Variants in EXOC6B observed in about 807,000 individuals in gnomAD.
The protein encoded by EXOC6B is SEC15 homolog B.
EXOC6B carries 54 observed loss-of-function variants against 113.5 expected under a neutral mutation model. The observed-to-expected ratio is 0.48, with a 90% CI of 0.38 to 0.60. The LOEUF (loss-of-function observed/expected upper bound fraction) is 0.60, where lower values mean the gene tolerates loss of function less well. EXOC6B is among the 20% of genes least tolerant of loss of function. EXOC6B has a pLI of 0.00. For missense variants in EXOC6B, 797 were observed against 977.5 expected, an observed-to-expected ratio of 0.82 and a Z score of 2.46; for synonymous variants, 357 against 339.0, an observed-to-expected ratio of 1.05 and a Z score of -0.58.
chr2:72,723,430 G>C (rs1558950320), intron 5 of EXOC6B, among the ~76,000 whole-genome samples: 1 of 152,238 alleles, frequency 6.6e-6, no homozygotes, highest in East Asian at 1.9e-4. Context: ...GAAGAATATT[G>C]ATTCCAAGCA....
intron 20 of EXOC6B, among the ~76,000 whole-genome samples, chr2:72,325,273 C>A (rs1364070977): frequency 6.6e-6 from 1 of 151,994 alleles, no homozygotes; most frequent in South Asian, 2.1e-4. Flanking sequence ...ATGATCCTGG[C>A]GAATCAAGAA....
chr2:72,562,856 A>G (rs1703963983), intron 7 of EXOC6B, among the ~76,000 whole-genome samples: 1 of 152,200 alleles, frequency 6.6e-6, no homozygotes, highest in African/African-American at 2.4e-5. Flanking sequence ...AAATACATCT[A>G]TGAAGATACA....
chr2:72,237,410 T>C (rs1306218343), intron 20 of EXOC6B, among the ~76,000 whole-genome samples: 3 of 152,086 alleles, frequency 2.0e-5, no homozygotes, highest in Non-Finnish European at 2.9e-5. Flanking sequence ...AAATCAAACA[T>C]GTTTAATAGA....
chr2:72,350,909 A>G (rs1236450722), intron 19 of EXOC6B, among the ~76,000 whole-genome samples: 7 of 152,210 alleles, frequency 4.6e-5, no homozygotes. Context: ...TCAAGTATTA[A>G]AAGCAGCCCT....
At chr2:72,555,668 T>C (rs1264470291) in intron 8 of EXOC6B, among the ~76,000 whole-genome samples, 1 of 152,024 alleles carries the variant, frequency 6.6e-6, no homozygotes, top group Non-Finnish European at 1.5e-5. Flanking sequence ...AGGGACAGAG[T>C]GAGTCCCCAG....
At chr2:72,610,786 C>T (rs1045830482) in intron 6 of EXOC6B, among the ~76,000 whole-genome samples, 4 of 152,068 alleles carry the variant, frequency 2.6e-5, no homozygotes, top group Admixed American at 2.6e-4. Context: ...CCCATGCCAC[C>T]ACCTTAAGCA....
At chr2:72,674,982 T>C (rs933040490) in intron 6 of EXOC6B, among the ~76,000 whole-genome samples, 2 of 152,246 alleles carry the variant, frequency 1.3e-5, no homozygotes, top group African/African-American at 2.4e-5. Context: ...TTCCTAAATA[T>C]ATTCCTTTTA....
chr2:72,575,066 T>C (rs899435137), intron 7 of EXOC6B, among the ~76,000 whole-genome samples: 22 of 152,182 alleles, frequency 1.4e-4, no homozygotes, highest in African/African-American at 1.9e-4. Context: ...GTATTTTCCA[T>C]CTGAGCCATT....
At chr2:72,306,483 G>A (rs1266624790) in intron 20 of EXOC6B, among the ~76,000 whole-genome samples, 2 of 151,956 alleles carry the variant, frequency 1.3e-5, no homozygotes, top group African/African-American at 4.8e-5. Context: ...TATTTTAATG[G>A]CAATATTCAA....
chr2:72,575,480 A>G lies in EXOC6B; in HGVS notation c.846+12T>C. 1 of 1,597,884 alleles carries G rather than the reference A, an allele frequency of 6.3e-7. No homozygotes were observed. ...AAAATAGTCTCACTTCCCAACATCA[A>G]ATGTTACTTACCTCTTCATCATCTT... is the stretch of plus-strand genomic sequence containing the variant. On this transcript the variant is annotated intron_variant, in intron 7 of 21. Transcript: ENST00000272427.
chr2:72,671,793 A>AAGAAAG (rs748900944), intron 6 of EXOC6B, among the ~76,000 whole-genome samples: 1 of 134,332 alleles, frequency 7.4e-6, no homozygotes, highest in Non-Finnish European at 1.6e-5. Context: ...GAAAGAAAGA[A>AAGAAAG]AGAAAGAAAG....
intron 8 of EXOC6B, among the ~76,000 whole-genome samples, chr2:72,546,596 A>G (rs925553436): frequency 6.4e-4 from 97 of 152,198 alleles, no homozygotes; most frequent in African/African-American, 2.3e-3. Flanking sequence ...GCTCAGGGAG[A>G]TCAATTAATA....
intron 20 of EXOC6B, among the ~76,000 whole-genome samples, chr2:72,209,223 C>CAAAAAAAAAAAAAAAAAAA (rs1170760516): frequency 1.4e-4 from 8 of 57,106 alleles, no homozygotes; most frequent in Admixed American, 4.7e-4. Flanking sequence ...AACTCAGTCT[C>CAAAAAAAAAAAAAAAAAAA]AAAAAAAAAA....
chr2:72,335,218 T>C (rs1026646025), intron 19 of EXOC6B, 198 bp from the exon 20 acceptor site: 105 of 567,644 alleles, frequency 1.8e-4, no homozygotes, highest in South Asian at 1.1e-3. Context: ...TCCAGCATCC[T>C]GACAGCAAGG....
chr2:72,240,391 G>A (rs1353261876), intron 20 of EXOC6B, among the ~76,000 whole-genome samples: 1 of 151,966 alleles, frequency 6.6e-6, no homozygotes, highest in African/African-American at 2.4e-5. Context: ...GAGTATCAAA[G>A]CCCAAAACAG....
At chr2:72,401,538 T>TGAAAAAA (rs1558630486) in intron 18 of EXOC6B, among the ~76,000 whole-genome samples, 2 of 28,000 alleles carry the variant, frequency 7.1e-5, no homozygotes, top group African/African-American at 7.7e-4. Flanking sequence ...TATATATATA[T>TGAAAAAA]ATATATGTGT....
intron 20 of EXOC6B, among the ~76,000 whole-genome samples, chr2:72,255,107 T>C (rs973601148): frequency 2.6e-5 from 4 of 152,150 alleles, no homozygotes; most frequent in African/African-American, 4.8e-5. Context: ...GGCATGTGTC[T>C]CATTGATCCA....
chr2:72,180,521 C>A (rs1210118960), intron 21 of EXOC6B, among the ~76,000 whole-genome samples: 2 of 152,240 alleles, frequency 1.3e-5, no homozygotes, highest in Non-Finnish European at 2.9e-5. Context: ...CATGCCAAGA[C>A]AGATTTCTCT....
chr2:72,260,008 C>T (rs947860574), intron 20 of EXOC6B, among the ~76,000 whole-genome samples: 12 of 151,650 alleles, frequency 7.9e-5, no homozygotes, highest in African/African-American at 1.2e-4. Flanking sequence ...GCTGTGATTG[C>T]GCCACTGTAC....
Sources: gnomAD v4.1 joint callset for allele counts (sites outside exome capture counted in the v4.1 genomes callset) on GRCh38, gnomAD v4.1.1 for gene constraint, MANE v1.5 for transcripts, NCBI Gene and HGNC (gene_info 2026-07-23, HGNC 2026-07-21) for gene names.